MYRIP: variants seen among roughly 807,000 people sequenced by gnomAD.
MYRIP encodes the protein myosin VIIA and Rab interacting protein.
In MYRIP, 49 loss-of-function variants were observed where a neutral mutation model predicts 98.0. That is an observed-to-expected ratio of 0.50 (90% confidence interval 0.40 to 0.63). The LOEUF is 0.63. Ranked by LOEUF, MYRIP falls within the 30% of genes least tolerant of loss-of-function variation. The pLI, the probability that MYRIP is intolerant of heterozygous loss-of-function variation, is 0.00. For synonymous variants in MYRIP, 404 were observed against 409.5 expected (o/e 0.99, Z 0.16); for missense variants, 1,004 against 1,058.2 (o/e 0.95, Z 0.71).
chr3:40,157,824 G>A (rs1406137418), intron 4 of MYRIP, among the ~76,000 whole-genome samples: 2 of 150,772 alleles, frequency 1.3e-5, no homozygotes. Flanking sequence ...TTGTATTTCT[G>A]TGGGATCGGT....
intron 4 of MYRIP, among the ~76,000 whole-genome samples, chr3:40,153,114 G>C (rs927035463): frequency 6.8e-6 from 1 of 148,124 alleles, no homozygotes; most frequent in African/African-American, 2.6e-5. Context: ...GCAAGACCCT[G>C]TCCAAAAAAA....
intron 2 of MYRIP, among the ~76,000 whole-genome samples, chr3:39,907,619 T>C (rs1943909996): frequency 6.6e-6 from 1 of 152,176 alleles, no homozygotes; most frequent in South Asian, 2.1e-4. Flanking sequence ...TGTGGGTTTA[T>C]TGGGTTAAGT....
intron 2 of MYRIP, among the ~76,000 whole-genome samples, chr3:40,029,453 T>C (rs555121171): frequency 3.3e-5 from 5 of 152,178 alleles, no homozygotes; most frequent in African/African-American, 9.6e-5. Flanking sequence ...TTAGAAGATA[T>C]GTAAGCCAGC....
chr3:40,069,069 C>A (rs1351000382), intron 3 of MYRIP, among the ~76,000 whole-genome samples: 1 of 152,078 alleles, frequency 6.6e-6, no homozygotes, highest in Non-Finnish European at 1.5e-5. Context: ...GTAGTATGGT[C>A]CTGTGTTTCT....
chr3:39,996,315 TC>T (rs1191517030), intron 2 of MYRIP, among the ~76,000 whole-genome samples: 10 of 151,822 alleles, frequency 6.6e-5, no homozygotes, highest in Non-Finnish European at 1.5e-4. Context: ...ACACATAGGC[TC>T]AAAATAAAGG....
chr3:40,039,496 C>A (rs1012217252), intron 2 of MYRIP, among the ~76,000 whole-genome samples: 2 of 151,998 alleles, frequency 1.3e-5, no homozygotes, highest in Non-Finnish European at 2.9e-5. Flanking sequence ...CCCTTTGGAT[C>A]TTGCAACATG....
At chr3:40,193,878 T>C (rs1020434578) in intron 10 of MYRIP, among the ~76,000 whole-genome samples, 2 of 46,708 alleles carry the variant, frequency 4.3e-5, no homozygotes, top group Non-Finnish European at 1.1e-4. Context: ...TGATATGCAA[T>C]TTACATTTAT....
intron 1 of MYRIP, among the ~76,000 whole-genome samples, chr3:39,887,507 A>G (rs202207868): frequency 5.3e-5 from 8 of 150,176 alleles, no homozygotes; most frequent in African/African-American, 7.3e-5. Context: ...TCAATAAATT[A>G]GGTATTGATG....
chr3:39,818,408 G>A (rs1007097673), intron 1 of MYRIP, among the ~76,000 whole-genome samples: 1 of 152,170 alleles, frequency 6.6e-6, no homozygotes, highest in Non-Finnish European at 1.5e-5. Context: ...TGGTGAGGCA[G>A]AATGTATCTG....
chr3:40,239,115 T>C (rs377681702), intron 12 of MYRIP, among the ~76,000 whole-genome samples: 4 of 145,446 alleles, frequency 2.8e-5, no homozygotes, highest in South Asian at 4.4e-4. Flanking sequence ...TGTCCATGTG[T>C]TCTCATTGTT....
intron 3 of MYRIP, among the ~76,000 whole-genome samples, chr3:40,110,716 A>T (rs1949140521): frequency 6.6e-6 from 1 of 152,152 alleles, no homozygotes; most frequent in Non-Finnish European, 1.5e-5. Context: ...AGGCTGGGAC[A>T]TGGTGCCAGC....
chr3:39,988,102 T>C (rs1459429966), intron 2 of MYRIP, among the ~76,000 whole-genome samples: 1 of 152,022 alleles, frequency 6.6e-6, no homozygotes, highest in Non-Finnish European at 1.5e-5. Flanking sequence ...TAGGTGGGAA[T>C]TGAACAATGA....
chr3:40,222,148 C>G (rs1952355072), intron 11 of MYRIP, among the ~76,000 whole-genome samples: 1 of 152,218 alleles, frequency 6.6e-6, no homozygotes, highest in South Asian at 2.1e-4. Context: ...CCTTGCACAG[C>G]AAGGCTACCC....
At chr3:40,059,623 TTG>T (rs1947964466) in intron 3 of MYRIP, among the ~76,000 whole-genome samples, 1 of 152,228 alleles carries the variant, frequency 6.6e-6, no homozygotes, top group East Asian at 1.9e-4. Flanking sequence ...CAAAGACACT[TTG>T]TCTTTGAGTT....
chr3:39,950,053 A>G (rs1559533223), intron 2 of MYRIP, among the ~76,000 whole-genome samples: 1 of 152,188 alleles, frequency 6.6e-6, no homozygotes, highest in Non-Finnish European at 1.5e-5. Flanking sequence ...TGAATGTCTT[A>G]TATAATTATG....
Position 40,218,810 on chromosome 3 carries a change from A to G in MYRIP, c.1905+8717A>G, listed in dbSNP as rs114338458. Among the ~76,000 whole-genome samples the G allele has an allele frequency of 4.0e-3, 603 of 151,754 alleles. 3 individuals are homozygous for G. The highest frequency in any genetic ancestry group is 7.7e-3 in the Non-Finnish European group (523 of 67,884). ...AGATGGGAAAACTTCACACTTTTAT[A>G]GAAGTTGGTTTTCCCCAAATTAATA... On this transcript the variant is annotated intron_variant, in intron 11 of 16. Coordinates refer to ENST00000302541, the MANE Select transcript of MYRIP (RefSeq NM_015460.4).
chr3:40,051,116 T>C (rs977446309), intron 3 of MYRIP, among the ~76,000 whole-genome samples: 23 of 152,210 alleles, frequency 1.5e-4, no homozygotes, highest in African/African-American at 4.6e-4. Context: ...TTTGAGAGGA[T>C]TGACTTCAAC....
chr3:40,169,616 TA>T (rs1158741970), intron 7 of MYRIP, among the ~76,000 whole-genome samples: 19 of 152,298 alleles, frequency 1.2e-4, no homozygotes, highest in African/African-American at 4.3e-4. Context: ...TCCTCATCTA[TA>T]AAATGGAAAG....
intron 3 of MYRIP, among the ~76,000 whole-genome samples, chr3:40,085,959 T>C (rs572123107): frequency 1.7e-4 from 26 of 152,264 alleles, no homozygotes; most frequent in Middle Eastern, 3.4e-3. Context: ...TGGAAAAATG[T>C]ACACACAGTA....
Sources: gnomAD v4.1 joint callset for allele counts (sites outside exome capture counted in the v4.1 genomes callset) on GRCh38, gnomAD v4.1.1 for gene constraint, MANE v1.5 for transcripts, NCBI Gene and HGNC (gene_info 2026-07-23, HGNC 2026-07-21) for gene names.